Variants in CHKA observed in about 807,000 individuals in gnomAD.
CHKA encodes the protein CHETK-alpha.
Under a neutral mutation model 60.1 loss-of-function variants are expected in CHKA, and 34 were observed. The observed-to-expected ratio is 0.57, with a 90% CI of 0.43 to 0.75. The LOEUF (loss-of-function observed/expected upper bound fraction) is 0.75. CHKA is among the 30% of genes least tolerant of loss of function. The pLI is 0.00. For synonymous variants in CHKA, 217 were observed against 223.1 expected (o/e 0.97, Z 0.24); for missense variants, 563 against 561.3 (o/e 1.00, Z -0.03).
At chr11:68,113,811 A>G (rs1422796241) in intron 1 of CHKA, among the ~76,000 whole-genome samples, 1 of 152,164 alleles carries the variant, frequency 6.6e-6, no homozygotes, top group Non-Finnish European at 1.5e-5. Flanking sequence ...CCTGGCCAAC[A>G]TGGTGAAACC....
At chr11:68,117,996 G>A (rs1178782836) in intron 1 of CHKA, among the ~76,000 whole-genome samples, 1 of 152,214 alleles carries the variant, frequency 6.6e-6, no homozygotes, top group Admixed American at 6.5e-5. Context: ...TGGCCAGGCT[G>A]CTGCTACAAA....
At chr11:68,110,319 C>A (rs759491185) in intron 1 of CHKA, among the ~76,000 whole-genome samples, 3 of 151,896 alleles carry the variant, frequency 2.0e-5, no homozygotes, top group Non-Finnish European at 2.9e-5. Flanking sequence ...AGAAATAAAA[C>A]TTTGTAGATG....
chr11:68,114,932 C>T (rs1260748034), intron 1 of CHKA, among the ~76,000 whole-genome samples: 1 of 152,010 alleles, frequency 6.6e-6, no homozygotes, highest in African/African-American at 2.4e-5. Context: ...GGCAGTGAAA[C>T]TATTCTGTAT....
chr11:68,081,045 G>C (rs1856970950), intron 3 of CHKA, among the ~76,000 whole-genome samples: 1 of 152,222 alleles, frequency 6.6e-6, no homozygotes, highest in Non-Finnish European at 1.5e-5. Flanking sequence ...GGAAGTGTGG[G>C]AACGACCAGA....
chr11:68,109,357 G>T (rs943701247), intron 1 of CHKA, among the ~76,000 whole-genome samples: 5 of 152,002 alleles, frequency 3.3e-5, no homozygotes, highest in African/African-American at 1.2e-4. Flanking sequence ...CCAAAGTGCT[G>T]GGATTACAGG....
chr11:68,082,714 A>T (rs1215187081), intron 2 of CHKA, among the ~76,000 whole-genome samples: 1 of 152,224 alleles, frequency 6.6e-6, no homozygotes, highest in African/African-American at 2.4e-5. Flanking sequence ...CAAAATAAGT[A>T]TCCATGTTCA....
intron 3 of CHKA, among the ~76,000 whole-genome samples, chr11:68,077,979 G>A (rs1468810856): frequency 1.3e-5 from 2 of 152,108 alleles, no homozygotes; most frequent in African/African-American, 2.4e-5. Flanking sequence ...GGTGGACTGG[G>A]GCTTACAGAT....
intron 7 of CHKA, among the ~76,000 whole-genome samples, chr11:68,067,171 C>T (rs1181003074): frequency 1.3e-5 from 2 of 152,216 alleles, no homozygotes; most frequent in Non-Finnish European, 2.9e-5. Context: ...TCAGCATCTC[C>T]GACATCCTGC....
At chr11:68,110,992 C>G (rs1444336905) in intron 1 of CHKA, among the ~76,000 whole-genome samples, 1 of 143,262 alleles carries the variant, frequency 7.0e-6, no homozygotes, top group Non-Finnish European at 1.5e-5. Flanking sequence ...AATGAGACTC[C>G]ATCTCAAAAA....
intron 1 of CHKA, among the ~76,000 whole-genome samples, chr11:68,113,081 C>CA (rs71040587): frequency 0.042 from 606 of 14,498 alleles, 162 homozygotes; most frequent in Non-Finnish European, 0.06. Flanking sequence ...GACTCCGTCT[C>CA]AAAAAAAAAA....
At chr11:68,080,377 G>A (rs994030967) in intron 3 of CHKA, among the ~76,000 whole-genome samples, 2 of 151,358 alleles carry the variant, frequency 1.3e-5, no homozygotes, top group Admixed American at 6.6e-5. Context: ...TGGTGGGGAC[G>A]ACTCCTGTCG....
chr11:68,094,313 G>A (rs980835381), intron 2 of CHKA, among the ~76,000 whole-genome samples: 13 of 152,126 alleles, frequency 8.5e-5, no homozygotes, highest in African/African-American at 2.7e-4. Context: ...AGGACTAGAC[G>A]GGTGCATCAC....
At chr11:68,113,852 G>A (rs868132515) in intron 1 of CHKA, among the ~76,000 whole-genome samples, 2 of 151,954 alleles carry the variant, frequency 1.3e-5, no homozygotes, top group Non-Finnish European at 1.5e-5. Flanking sequence ...TTAGCTAGGC[G>A]TAGTGGCAGG....
intron 1 of CHKA, among the ~76,000 whole-genome samples, chr11:68,114,328 GATAA>G (rs962941467): frequency 1.2e-4 from 18 of 152,146 alleles, no homozygotes; most frequent in African/African-American, 2.2e-4. Context: ...TAGATGAATG[GATAA>G]ATAAACTGTG....
intron 11 of CHKA, among the ~76,000 whole-genome samples, chr11:68,059,264 T>C (rs1233369195): frequency 1.3e-5 from 2 of 150,606 alleles, no homozygotes; most frequent in African/African-American, 5.0e-5. Context: ...TTTGCTGAGA[T>C]TTTTTTTTAT....
intron 1 of CHKA, among the ~76,000 whole-genome samples, chr11:68,112,332 C>G (rs1034211807): frequency 6.6e-5 from 10 of 152,080 alleles, no homozygotes; most frequent in African/African-American, 2.4e-4. Context: ...TCCAGGCTCA[C>G]TGCAACCTCC....
intron 1 of CHKA, among the ~76,000 whole-genome samples, chr11:68,105,810 C>T (rs558022793): frequency 1.3e-4 from 20 of 152,262 alleles, no homozygotes; most frequent in Non-Finnish European, 2.1e-4. Context: ...CTGAAAGCTC[C>T]GCAAACTGTC....
chr11:68,079,312 G>A (rs1278413923), intron 3 of CHKA, among the ~76,000 whole-genome samples: 1 of 151,646 alleles, frequency 6.6e-6, no homozygotes, highest in African/African-American at 2.4e-5. Flanking sequence ...GGTGAGGGGT[G>A]CATGGGAAAT....
chr11:68,068,626 C>T (rs1032103621), intron 7 of CHKA, among the ~76,000 whole-genome samples: 4 of 152,040 alleles, frequency 2.6e-5, no homozygotes, highest in African/African-American at 9.7e-5. Context: ...CTATGTTGCC[C>T]AGGCTGGTCT....
Sources: gnomAD v4.1 joint callset for allele counts (sites outside exome capture counted in the v4.1 genomes callset) on GRCh38, gnomAD v4.1.1 for gene constraint, MANE v1.5 for transcripts, NCBI Gene and HGNC (gene_info 2026-07-23, HGNC 2026-07-21) for gene names.